Variants in ACTG2 observed in about 807,000 individuals in gnomAD.
ACTG2 encodes the protein actin, gamma-enteric smooth muscle.
A neutral mutation model predicts 37.6 loss-of-function variants in ACTG2; 16 were observed. That is an observed-to-expected ratio of 0.43 (90% CI 0.29 to 0.65). The LOEUF is 0.65. Ranked by LOEUF, ACTG2 falls within the 30% of genes least tolerant of loss-of-function variation. ACTG2 has a pLI of 0.18. For synonymous variants in ACTG2, 181 were observed against 179.9 expected (o/e 1.01, Z -0.05); for missense variants, 238 against 490.9 (o/e 0.48, Z 4.87).
chr2:73,915,583 G>A (rs76783736), intron 7 of ACTG2, among the ~76,000 whole-genome samples: 4,584 of 151,724 alleles, frequency 0.03, 223 homozygotes, highest in African/African-American at 0.1. Flanking sequence ...CCAGTTTGGC[G>A]TGCAGGACCT....
At chr2:73,913,421 C>T (rs1680185650) in intron 5 of ACTG2, 64 bp from the exon 6 acceptor site, 10 of 1,466,098 alleles carry the variant, frequency 6.8e-6, no homozygotes, top group East Asian at 2.4e-5. Flanking sequence ...GGTAACAGTC[C>T]TAGAAAGAGA....
At position 73,913,471 on chromosome 2, in the gene ACTG2, C is replaced by A; in HGVS notation, c.452-14C>A. ...GAATGAGAATTTTATAAGCCTGATC[C>A]TCTCTGTCCACAGGCATCGTCCTGG... On this transcript the variant is annotated splice_polypyrimidine_tract_variant and intron_variant, in intron 5 of 8. Transcript: ENST00000345517. The A allele has an allele frequency of 6.3e-7, 1 of 1,578,246 alleles. No homozygotes were observed. Among genetic ancestry groups the A allele is most frequent in the Non-Finnish European group, 8.7e-7 (1 of 1,155,616 alleles).
intron 1 of ACTG2, among the ~76,000 whole-genome samples, chr2:73,894,998 G>C (rs548357828): frequency 3.5e-4 from 54 of 152,284 alleles, no homozygotes; most frequent in African/African-American, 1.3e-3. Flanking sequence ...TGCAGCATGC[G>C]GTGGTCCTGA....
In ACTG2 at chr2:73,914,085, T is replaced by C. The variant is rs189495554; in HGVS notation, c.613+439T>C. 1.4e-3 allele frequency among the ~76,000 whole-genome samples: 207 copies of C among 152,274 alleles called. 1 individual carries two copies. The highest frequency in any genetic ancestry group is 4.7e-3 in the African/African-American group (194 of 41,554). On this transcript the variant is annotated intron_variant, in intron 6 of 8. Transcript: ENST00000345517. ...CAAACATCTGAGTCTAGACCAGAAA[T>C]ATGTCCTGCAAAGCCCCCAGGAAGG...
intron 1 of ACTG2, among the ~76,000 whole-genome samples, chr2:73,898,739 A>C (rs1679806352): frequency 6.6e-6 from 1 of 151,760 alleles, no homozygotes; most frequent in Non-Finnish European, 1.5e-5. Context: ...GATGGTCAAC[A>C]AGACACCAAG....
chr2:73,914,647 G>A, intron 6 of ACTG2, 33 bp from the exon 7 acceptor site: 1 of 1,508,832 alleles, frequency 6.6e-7, no homozygotes, highest in Non-Finnish European at 8.9e-7. Context: ...TCAGAGCTCA[G>A]TATTCACCTT....
intron 5 of ACTG2, among the ~76,000 whole-genome samples, chr2:73,912,466 G>C (rs1026746934): frequency 6.6e-6 from 1 of 152,102 alleles, no homozygotes; most frequent in African/African-American, 2.4e-5. Context: ...CTTGCACTTC[G>C]TTGCAAACAT....
At position 73,913,498 on chromosome 2, in the gene ACTG2, T is replaced by C. The variant is rs952747997; in HGVS notation, c.465T>C (p.Asp155=). ...ASGRTTGIVL[D]SGDGVTHNVP... ...CTCTGTCCACAGGCATCGTCCTGGATTCAGGTGATGGCGTCACCCACAATG... is the reference window on the plus strand; with the variant it reads ...CTCTGTCCACAGGCATCGTCCTGGACTCAGGTGATGGCGTCACCCACAATG... Residue 155 remains aspartate (D), a synonymous_variant, in exon 6 of 9, where the codon GAT becomes GAC. Coordinates refer to ENST00000345517, the MANE Select transcript of ACTG2 (RefSeq NM_001615.4). 7.5e-6 allele frequency: 12 copies of C among 1,609,186 alleles called. No homozygotes were observed. Among genetic ancestry groups the C allele is most frequent in the Admixed American group, 3.4e-5 (2 of 59,628 alleles).
chr2:73,919,289 G>A, intron 8 of ACTG2, 143 bp from the exon 9 acceptor site: 3 of 995,086 alleles, frequency 3.0e-6, no homozygotes, highest in East Asian at 4.9e-5. Context: ...TGAAGGTTTT[G>A]AGCAATAATC....
intron 7 of ACTG2, 110 bp downstream of exon 7, chr2:73,914,981 C>A: frequency 2.2e-6 from 2 of 917,604 alleles, no homozygotes; most frequent in Non-Finnish European, 1.5e-6. Context: ...TAATTACATA[C>A]ACGTACCTCA....
intron 3 of ACTG2, among the ~76,000 whole-genome samples, chr2:73,904,777 G>GTGTGTGTGTATATATATATA (rs1427483105): frequency 4.7e-5 from 2 of 42,634 alleles, no homozygotes; most frequent in Non-Finnish European, 9.5e-5. Flanking sequence ...GTGTGTGTGT[G>GTGTGTGTGTATATATATATA]TATATATATA....
chr2:73,905,101 G>A (rs1679990595), intron 3 of ACTG2, among the ~76,000 whole-genome samples: 1 of 151,984 alleles, frequency 6.6e-6, no homozygotes. Context: ...CATCAGAAAG[G>A]AGGAAAGGAC....
At position 73,909,130 on chromosome 2, in the gene ACTG2, C is replaced by T. The variant is rs587777383; in HGVS notation, c.442C>T (p.Arg148Cys). The change falls in exon 5 of 9, where the codon CGC (arginine) becomes TGC (cysteine). Residue 148 changes from arginine to cysteine, a missense_variant. By Grantham distance (180) the Arg-to-Cys change is radical. Transcript: ENST00000345517. ...TGTGCTCTCCCTCTATGCCTCTGGC[C>T]GCACGACAGGTGAGTAATCCTGTAA... ...QAVLSLYASG[R>C]TTGIVLDSGD... is the part of the protein sequence containing the mutation. 1.2e-6 allele frequency: 2 copies of T among 1,613,018 alleles called. No individual in the cohort carries two copies. The highest frequency in any genetic ancestry group is 1.1e-5 in the South Asian group (1 of 91,062).
intron 3 of ACTG2, chr2:73,903,268 G>T (rs1679930256): frequency 6.5e-6 from 1 of 153,856 alleles, no homozygotes; most frequent in African/African-American, 2.4e-5. Context: ...GTGATAGGGG[G>T]CTTATTGAGC....
chr2:73,918,509 T>A (rs1195351199), intron 8 of ACTG2, among the ~76,000 whole-genome samples: 1 of 152,194 alleles, frequency 6.6e-6, no homozygotes, highest in African/African-American at 2.4e-5. Context: ...TGTAAAGAGA[T>A]TCTACGGCAA....
intron 5 of ACTG2, among the ~76,000 whole-genome samples, chr2:73,910,831 T>G (rs1680117995): frequency 6.6e-6 from 1 of 152,156 alleles, no homozygotes; most frequent in South Asian, 2.1e-4. Flanking sequence ...CCCAAAGTAC[T>G]GGGATTACAG....
chr2:73,907,204 G>A (rs996528165), intron 3 of ACTG2, among the ~76,000 whole-genome samples: 2 of 151,980 alleles, frequency 1.3e-5, no homozygotes, highest in Non-Finnish European at 2.9e-5. Flanking sequence ...TTTTTTAAAC[G>A]TCTCTCTCCC....
At chr2:73,904,777 GTATATATATATATA>G (rs199782884) in intron 3 of ACTG2, among the ~76,000 whole-genome samples, 39 of 42,630 alleles carry the variant, frequency 9.1e-4, no homozygotes, top group South Asian at 3.0e-3. Context: ...GTGTGTGTGT[GTATATATATATATA>G]TATATATATA....
intron 1 of ACTG2, among the ~76,000 whole-genome samples, chr2:73,895,587 T>C (rs1679729451): frequency 6.6e-6 from 1 of 152,202 alleles, no homozygotes; most frequent in East Asian, 1.9e-4. Flanking sequence ...CCAACTATTG[T>C]TTGAAATCTC....
Sources: gnomAD v4.1 joint callset for allele counts (sites outside exome capture counted in the v4.1 genomes callset) on GRCh38, gnomAD v4.1.1 for gene constraint, MANE v1.5 for transcripts, NCBI Gene and HGNC (gene_info 2026-07-23, HGNC 2026-07-21) for gene names.